RNF217: variants seen among roughly 807,000 people sequenced by gnomAD.
RNF217 encodes ring finger protein 217, also known as E3 ubiquitin-protein ligase RNF217.
A neutral mutation model predicts 57.8 loss-of-function variants in RNF217; 31 were observed. The observed-to-expected ratio is 0.54, with a 90% CI of 0.40 to 0.72. The LOEUF (loss-of-function observed/expected upper bound fraction) is 0.72. Ranked by LOEUF, RNF217 falls within the 30% of genes least tolerant of loss-of-function variation. The pLI, the probability that RNF217 is intolerant of heterozygous loss-of-function variation, is 0.00. For missense variants in RNF217, 696 were observed against 708.3 expected (o/e 0.98, Z 0.20); for synonymous variants, 313 against 294.0 (o/e 1.06, Z -0.66).
At chr6:125,043,413 T>G (rs1258137230) in intron 1 of RNF217, among the ~76,000 whole-genome samples, 1 of 152,000 alleles carries the variant, frequency 6.6e-6, no homozygotes, top group East Asian at 1.9e-4. Flanking sequence ...GAGATTACTA[T>G]ACTTCTCCTG....
chr6:125,029,826 A>G (rs952634741), intron 1 of RNF217, among the ~76,000 whole-genome samples: 1 of 152,214 alleles, frequency 6.6e-6, no homozygotes, highest in African/African-American at 2.4e-5. Flanking sequence ...ACATAAAAGG[A>G]ACATTGCTAT....
At chr6:124,969,428 G>A (rs759078858) in intron 1 of RNF217, among the ~76,000 whole-genome samples, 12 of 151,874 alleles carry the variant, frequency 7.9e-5, no homozygotes, top group Non-Finnish European at 1.5e-4. Flanking sequence ...TTCCCAAATT[G>A]AATTTTTGCT....
chr6:125,050,440 CCTT>C (rs1286817800), intron 2 of RNF217, among the ~76,000 whole-genome samples: 13 of 151,848 alleles, frequency 8.6e-5, no homozygotes, highest in African/African-American at 2.4e-4. Context: ...TGTGTGCTTA[CCTT>C]ATCTCTCTAG....
At chr6:125,070,179 T>C (rs1234322431) in intron 3 of RNF217, among the ~76,000 whole-genome samples, 2 of 152,212 alleles carry the variant, frequency 1.3e-5, no homozygotes, top group Non-Finnish European at 2.9e-5. Flanking sequence ...GCAAAAGACA[T>C]TATTTCATTT....
intron 1 of RNF217, among the ~76,000 whole-genome samples, chr6:125,031,892 A>G (rs183558210): frequency 3.3e-3 from 508 of 152,282 alleles, no homozygotes; most frequent in African/African-American, 0.012. Context: ...CTTTTGACAA[A>G]GACATACACA....
At chr6:125,026,149 A>G (rs1786073158) in intron 1 of RNF217, among the ~76,000 whole-genome samples, 1 of 152,154 alleles carries the variant, frequency 6.6e-6, no homozygotes, top group Admixed American at 6.5e-5. Context: ...CCTTTGATGA[A>G]GTACTTAAGA....
Position 124,963,074 on chromosome 6 carries a change from C to A in RNF217, c.530C>A (p.Pro177His). Reference protein sequence around the residue: ...YCVESDLPEAPASEQLSPPAS... With the variant: ...YCVESDLPEAHASEQLSPPAS... ...GTGGAGAGCGACCTGCCCGAGGCCC[C>A]CGCCTCGGAGCAGCTCTCGCCGCCC... is the stretch of plus-strand genomic sequence containing the variant. Residue 177 changes from proline (P) to histidine (H), a missense_variant, in exon 1 of 6, where the codon CCC becomes CAC. Physicochemically the swap from Pro to His is moderately conservative, Grantham distance 77 (BLOSUM62 -2). Coordinates refer to ENST00000521654, the MANE Select transcript of RNF217 (RefSeq NM_001286398.3). 1 of 1,558,606 alleles carries A rather than the reference C, an allele frequency of 6.4e-7. No homozygotes were observed. Among genetic ancestry groups the A allele is most frequent in the Non-Finnish European group, 8.6e-7 (1 of 1,160,094 alleles).
intron 3 of RNF217, among the ~76,000 whole-genome samples, chr6:125,064,989 T>C (rs1021201333): frequency 4.6e-5 from 7 of 152,146 alleles, no homozygotes; most frequent in African/African-American, 1.4e-4. Flanking sequence ...GAAAAATTCA[T>C]TGTATATTAA....
chr6:125,056,431 C>G (rs550387770), intron 2 of RNF217, among the ~76,000 whole-genome samples: 10 of 152,186 alleles, frequency 6.6e-5, no homozygotes, highest in African/African-American at 2.2e-4. Context: ...ACGTGAAAAT[C>G]TTTTAAGCCT....
In RNF217 at chr6:125,091,451, G is replaced by A. The variant is rs1040866421; in HGVS notation, c.*8514G>A. ...ATCTTTAGGGATGTATATAGGCTGC[G>A]TTTGCTACCTTAATCTACTGTATTA... On this transcript the variant is annotated 3_prime_UTR_variant, in exon 6 of 6. Transcript: ENST00000521654. 12 of 151,964 alleles carry A rather than the reference G, an allele frequency of 7.9e-5. No individual in the cohort carries two copies. Among genetic ancestry groups the A allele is most frequent in the African/African-American group, 2.4e-4 (10 of 41,404 alleles). The allele number at this position is 151,964 out of a possible 1,614,324, so 9.4% of individuals were successfully genotyped here. A position where few individuals can be genotyped will look rare whatever the true frequency, so the allele number is the denominator to read the frequency against.
intron 1 of RNF217, among the ~76,000 whole-genome samples, chr6:125,042,828 A>G (rs1432626983): frequency 6.6e-6 from 1 of 152,042 alleles, no homozygotes; most frequent in Non-Finnish European, 1.5e-5. Context: ...TATCATTTAC[A>G]TAGTTAAAAT....
chr6:125,030,859 G>T (rs1434478474), intron 1 of RNF217, among the ~76,000 whole-genome samples: 1 of 152,194 alleles, frequency 6.6e-6, no homozygotes, highest in African/African-American at 2.4e-5. Context: ...TAGGGACACT[G>T]TGTAGGGTCT....
At chr6:125,029,611 C>T (rs1786261574) in intron 1 of RNF217, among the ~76,000 whole-genome samples, 1 of 152,042 alleles carries the variant, frequency 6.6e-6, no homozygotes, top group Non-Finnish European at 1.5e-5. Flanking sequence ...TTGATACTTG[C>T]CAATTTTGAA....
chr6:125,078,907 A>T (rs1405534275), intron 4 of RNF217, among the ~76,000 whole-genome samples: 1 of 152,162 alleles, frequency 6.6e-6, no homozygotes, highest in African/African-American at 2.4e-5. Context: ...TAGCAGGAAA[A>T]GTAATGTTGT....
chr6:124,966,936 T>G (rs1405651323), intron 1 of RNF217, among the ~76,000 whole-genome samples: 2 of 152,210 alleles, frequency 1.3e-5, no homozygotes, highest in Non-Finnish European at 2.9e-5. Flanking sequence ...TCTTCTCCAG[T>G]TATTGCCATG....
chr6:124,980,766 C>T (rs1389271865), intron 1 of RNF217, among the ~76,000 whole-genome samples: 1 of 152,020 alleles, frequency 6.6e-6, no homozygotes, highest in African/African-American at 2.4e-5. Flanking sequence ...ACTGAGTTGC[C>T]CCTCCCTCCA....
intron 1 of RNF217, among the ~76,000 whole-genome samples, chr6:125,024,192 A>T (rs1405271569): frequency 3.3e-5 from 5 of 152,190 alleles, no homozygotes; most frequent in Non-Finnish European, 5.9e-5. Flanking sequence ...TGAAGAATTA[A>T]TAAAGTAGGA....
chr6:124,992,645 G>A (rs184551460), intron 1 of RNF217, among the ~76,000 whole-genome samples: 2 of 152,172 alleles, frequency 1.3e-5, no homozygotes, highest in East Asian at 3.9e-4. Flanking sequence ...ATTTGATCTT[G>A]GAAAGTATGG....
At chr6:124,983,551 G>A (rs937527927) in intron 1 of RNF217, 1 of 937,546 alleles carries the variant, frequency 1.1e-6, no homozygotes, top group Middle Eastern at 5.5e-4. Flanking sequence ...ACTAATACCA[G>A]TCATTCTATT....
Sources: allele counts gnomAD v4.1 joint callset (sites outside exome capture counted in the v4.1 genomes callset), GRCh38; gene constraint gnomAD v4.1.1; transcripts MANE v1.5; gene names NCBI Gene and HGNC (gene_info 2026-07-23, HGNC 2026-07-21).